CHMP7: variants seen among roughly 807,000 people sequenced by gnomAD.
CHMP7 encodes the protein CHMP family, member 7.
A neutral mutation model predicts 53.7 loss-of-function variants in CHMP7; 15 were observed. The ratio of observed to expected loss-of-function variants is 0.28; its 90% CI spans 0.19 to 0.43. The LOEUF (loss-of-function observed/expected upper bound fraction) is 0.43, where lower values mean the gene tolerates loss of function less well. CHMP7 is among the 20% of genes least tolerant of loss of function. The pLI is 1.00. For synonymous variants in CHMP7, 261 were observed against 228.0 expected (o/e 1.14, Z -1.30); for missense variants, 527 against 569.4 (o/e 0.93, Z 0.76).
chr8:23,246,814 G>T lies in CHMP7; in HGVS notation c.119G>T (p.Arg40Met). The T allele has an allele frequency of 6.3e-7, 1 of 1,596,636 alleles. No individual in the cohort carries two copies. Among genetic ancestry groups the T allele is most frequent in the Non-Finnish European group, 8.5e-7 (1 of 1,171,948 alleles). ...TCCTTCCTGTTCTCCGCTTTCAAGAGGAGTCGCGAGGTGAACAGCACCGAC... is the reference window on the plus strand; with the variant it reads ...TCCTTCCTGTTCTCCGCTTTCAAGATGAGTCGCGAGGTGAACAGCACCGAC... Reference protein sequence around the residue: ...RMSFLFSAFKRSREVNSTDWD... With the variant: ...RMSFLFSAFKMSREVNSTDWD... The change falls in exon 2 of 11, where the codon AGG becomes ATG. Residue 40 changes from arginine to methionine, a missense_variant. Coordinates refer to ENST00000397677, the MANE Select transcript of CHMP7 (RefSeq NM_152272.5).
At position 23,261,290 on chromosome 8, in the gene CHMP7, C is replaced by A. The variant is rs962148725; in HGVS notation, c.*691C>A. On this transcript the variant is annotated 3_prime_UTR_variant, in exon 11 of 11. Transcript: ENST00000397677. ...CATCTGATGGAGCCAGGAGGTCCGC[C>A]GGTGGGGGAAAGGCTTCTTCCGAGG... The A allele has an allele frequency of 2.0e-5, 3 of 152,504 alleles. No homozygotes were observed. Among genetic ancestry groups the A allele is most frequent in the Admixed American group, 6.5e-5 (1 of 15,282 alleles). 9.4% of individuals were successfully genotyped at this position (152,504 alleles called of 1,614,324 possible). A position where few individuals can be genotyped will look rare whatever the true frequency, so the allele number is the denominator to read the frequency against.
At chr8:23,255,823 G>A (rs1249753482) in intron 4 of CHMP7, among the ~76,000 whole-genome samples, 8 of 148,340 alleles carry the variant, frequency 5.4e-5, no homozygotes, top group East Asian at 4.0e-4. Context: ...CAGCAATGGC[G>A]CAATCTGAGC....
chr8:23,259,158 A>G (rs369209875), intron 9 of CHMP7, 32 bp downstream of exon 9: 6 of 575,474 alleles, frequency 1.0e-5, no homozygotes, highest in Non-Finnish European at 1.7e-5. Flanking sequence ...TTTTATTTTT[A>G]TTCATTTTTT....
chr8:23,256,552 T>C lies in CHMP7; in HGVS notation c.750T>C (p.Leu250=). ...ACCAGCTGATGCAGAGTGAACAGCT[T>C]CTCTCACGCAAAGTGGAGTCCTTAT... ...GVYQLMQSEQ[L]LSRKVESLSQ... Residue 250 remains leucine, a synonymous_variant, in exon 5 of 11, where the codon CTT becomes CTC. Transcript: ENST00000397677. The C allele has an allele frequency of 6.2e-7, 1 of 1,613,838 alleles. No homozygotes were observed. The highest frequency in any genetic ancestry group is 8.5e-7 in the Non-Finnish European group (1 of 1,179,748).
intron 5 of CHMP7, 151 bp downstream of exon 5, chr8:23,256,744 A>C: frequency 2.3e-6 from 1 of 430,354 alleles, no homozygotes; most frequent in East Asian, 3.7e-5. Flanking sequence ...TGCAGAAATC[A>C]TGGAAAGCAC....
rs764719788 is a variant in CHMP7, at chr8:23,258,054, G to A, written c.813G>A (p.Arg271=). 1.2e-6 allele frequency: 2 copies of A among 1,613,344 alleles called. No homozygotes were observed. The highest frequency in any genetic ancestry group is 2.7e-5 in the African/African-American group (2 of 74,888). The change falls in exon 6 of 11, where the codon CGG becomes CGA. Residue 271 remains arginine (R), a synonymous_variant. Coordinates refer to ENST00000397677, the MANE Select transcript of CHMP7 (RefSeq NM_152272.5). ...EAERCKEEAR[R]ACRAGKKQLA... ...CCAGGTGTAAAGAAGAAGCCCGCCG[G>A]GCATGCCGAGCAGGAAAGAAGCAGC...
At chr8:23,248,149 T>C (rs1306082441) in intron 2 of CHMP7, 5 of 456,048 alleles carry the variant, frequency 1.1e-5, no homozygotes, top group Non-Finnish European at 2.2e-5. Flanking sequence ...GTGGAAACCG[T>C]TTTCGTTCAT....
chr8:23,252,109 AT>A (rs1473080202), intron 3 of CHMP7, among the ~76,000 whole-genome samples: 1 of 145,726 alleles, frequency 6.9e-6, no homozygotes, highest in Non-Finnish European at 1.5e-5. Flanking sequence ...TGAATTGAGC[AT>A]TTTTTTCACC....
At chr8:23,255,192 C>T in intron 3 of CHMP7, 55 bp from the exon 4 acceptor site, 1 of 1,585,092 alleles carries the variant, frequency 6.3e-7, no homozygotes, top group Non-Finnish European at 8.6e-7. Flanking sequence ...GGTCAGGGTC[C>T]CTGCATCCCA....
Position 23,255,264 on chromosome 8 carries a change from G to T in CHMP7, c.489G>T (p.Val163=), listed in dbSNP as rs146285644. Residue 163 remains valine, a synonymous_variant, in exon 4 of 11, where the codon GTG becomes GTT. Coordinates refer to ENST00000397677, the MANE Select transcript of CHMP7 (RefSeq NM_152272.5). The part of the protein sequence containing the change: ...VELLKEKAEE[V]YRLYQNSPLS... ...TCCCACAGGAAAAGGCTGAGGAGGTGTATCGTCTGTATCAGAACTCGCCCC... is the reference window on the plus strand; with the variant it reads ...TCCCACAGGAAAAGGCTGAGGAGGTTTATCGTCTGTATCAGAACTCGCCCC... 60 of 1,614,018 alleles carry T rather than the reference G, an allele frequency of 3.7e-5. No individual in the cohort carries two copies. Among genetic ancestry groups the T allele is most frequent in the Admixed American group, 1.0e-4 (6 of 60,008 alleles).
At chr8:23,255,992 T>G (rs1215624449) in intron 4 of CHMP7, among the ~76,000 whole-genome samples, 1 of 152,036 alleles carries the variant, frequency 6.6e-6, no homozygotes, top group East Asian at 1.9e-4. Flanking sequence ...ACTCCTGACC[T>G]CAAGTGATCT....
At chr8:23,247,918 G>GT (rs58644300) in intron 2 of CHMP7, 31,668 of 320,596 alleles carry the variant, frequency 0.099, 24 homozygotes, top group South Asian at 0.15. Context: ...TGTTTGGTTG[G>GT]TTTTTTTTTT....
At chr8:23,255,771 C>CT (rs56174372) in intron 4 of CHMP7, among the ~76,000 whole-genome samples, 113,814 of 132,942 alleles carry the variant, frequency 0.86, 50,805 homozygotes, top group Non-Finnish European at 0.98. Flanking sequence ...CCTTATTGTA[C>CT]TTTTTTTTTT....
At position 23,246,900 on chromosome 8, in the gene CHMP7, G is replaced by C. The variant is rs200709918; in HGVS notation, c.205G>C (p.Val69Leu). 1.9e-6 allele frequency: 3 copies of C among 1,582,338 alleles called. No homozygotes were observed. The South Asian group carries it at 3.4e-5, about 18-fold the overall frequency. ...GCTGAGCCACAGCCGCCGCCAGGGG[G>C]TGGTGCGCCTGCGTCTGCGGGACTT... ...LVLSHSRRQGVVRLRLRDLQE... is the reference protein window; with the variant it reads ...LVLSHSRRQGLVRLRLRDLQE... The change falls in exon 2 of 11, where the codon GTG (valine) becomes CTG (leucine). Residue 69 changes from valine (V) to leucine (L), a missense_variant. By Grantham distance (32) the Val-to-Leu change is conservative. Coordinates refer to ENST00000397677, the MANE Select transcript of CHMP7 (RefSeq NM_152272.5).
rs779640245 is a variant in CHMP7, at chr8:23,260,600, G to T, written c.*1G>T. On this transcript the variant is annotated 3_prime_UTR_variant, in exon 11 of 11. Coordinates refer to ENST00000397677, the MANE Select transcript of CHMP7 (RefSeq NM_152272.5). Reference sequence around the variant, plus strand: ...GGAACCGACTCTAAAGCCATTGTAGGACCCTCAAGTGAAGGACCCTCATGT... The same window carrying T: ...GGAACCGACTCTAAAGCCATTGTAGTACCCTCAAGTGAAGGACCCTCATGT... 1.9e-6 allele frequency: 3 copies of T among 1,613,064 alleles called. No homozygotes were observed. Among genetic ancestry groups the T allele is most frequent in the Non-Finnish European group, 2.5e-6 (3 of 1,179,022 alleles).
Position 23,246,421 on chromosome 8 carries a change from CAAGCCTTTCTTTCGGCACA to C in CHMP7, c.-271_-253del, listed in dbSNP as rs1215920672. 1.2e-5 allele frequency: 6 copies of C among 491,244 alleles called. No individual in the cohort carries two copies. Among genetic ancestry groups the C allele is most frequent in the East Asian group, 1.1e-4 (3 of 27,342 alleles). The allele number at this position is 491,244 out of a possible 1,614,324, so 30.4% of individuals were successfully genotyped here. On this transcript the variant is annotated 5_prime_UTR_variant, in exon 2 of 11. Coordinates refer to ENST00000397677, the MANE Select transcript of CHMP7 (RefSeq NM_152272.5). ...GGTGCAGCCACCTGCCGCGCAGGCG[CAAGCCTTTCTTTCGGCACA>C]AAGACCGTGGGAGGAGGGGTCGGCG... is the stretch of plus-strand genomic sequence containing the variant.
Position 23,246,679 on chromosome 8 carries a change from C to T in CHMP7, c.-17C>T, listed in dbSNP as rs1461824149. The T allele has an allele frequency of 3.9e-6, 6 of 1,543,892 alleles. No individual in the cohort carries two copies. The South Asian group carries it at 6.0e-5, about 15-fold the overall frequency. On this transcript the variant is annotated 5_prime_UTR_variant, in exon 2 of 11. Coordinates refer to ENST00000397677, the MANE Select transcript of CHMP7 (RefSeq NM_152272.5). ...GGCCAGGCTTGTGTTCGCAGCCTTG[C>T]CGGGGCTGGGGTTCCGATGTGGTCC...
chr8:23,260,516 C>G (rs763139361), intron 10 of CHMP7, 22 bp from the exon 11 acceptor site: 2 of 1,610,680 alleles, frequency 1.2e-6, no homozygotes, highest in East Asian at 4.5e-5. Context: ...TTATAGTGTT[C>G]AGTCATTTCT....
At chr8:23,259,005 A>G in intron 8 of CHMP7, 61 bp from the exon 9 acceptor site, 5 of 1,202,994 alleles carry the variant, frequency 4.2e-6, no homozygotes, top group Non-Finnish European at 6.2e-6. Flanking sequence ...ATTTTCCACC[A>G]AAGACTGAGA....
Sources: allele counts gnomAD v4.1 joint callset (sites outside exome capture counted in the v4.1 genomes callset), GRCh38; gene constraint gnomAD v4.1.1; transcripts MANE v1.5; gene names NCBI Gene and HGNC (gene_info 2026-07-23, HGNC 2026-07-21).